Variants in VSTM4 observed in about 807,000 individuals in gnomAD.
The protein encoded by VSTM4 is V-set and transmembrane domain containing 4.
VSTM4 carries 20 observed loss-of-function variants against 36.4 expected under a neutral mutation model. The ratio of observed to expected loss-of-function variants is 0.55; its 90% CI spans 0.39 to 0.80. The LOEUF (loss-of-function observed/expected upper bound fraction) is 0.80, where lower values mean the gene tolerates loss of function less well. VSTM4 is among the 30% of genes least tolerant of loss of function. The pLI is 0.00. For synonymous variants in VSTM4, 182 were observed against 173.9 expected (o/e 1.05, Z -0.37); for missense variants, 392 against 404.5 (o/e 0.97, Z 0.26).
At chr10:49,046,805 C>A (rs987225015) in intron 7 of VSTM4, among the ~76,000 whole-genome samples, 178 bp downstream of exon 7, 9 of 152,110 alleles carry the variant, frequency 5.9e-5, no homozygotes, top group African/African-American at 2.2e-4. Context: ...ACTCTGGGAA[C>A]TAAGTATGGA....
chr10:49,106,669 C>T (rs763541586), intron 2 of VSTM4, among the ~76,000 whole-genome samples: 16 of 152,344 alleles, frequency 1.1e-4, no homozygotes, highest in East Asian at 5.8e-4. Context: ...AACCTCCCAA[C>T]GCGTGCCTCC....
intron 2 of VSTM4, among the ~76,000 whole-genome samples, chr10:49,095,386 C>G (rs966408092): frequency 2.0e-5 from 3 of 152,132 alleles, no homozygotes; most frequent in Non-Finnish European, 1.5e-5. Context: ...GTACATGCAC[C>G]ACATAACATG....
intron 2 of VSTM4, among the ~76,000 whole-genome samples, chr10:49,086,835 C>T (rs1438689788): frequency 6.6e-6 from 1 of 152,178 alleles, no homozygotes; most frequent in East Asian, 1.9e-4. Context: ...CCAGTCTTAC[C>T]AAATAACTGA....
At chr10:49,059,739 G>A (rs1368626800) in intron 5 of VSTM4, among the ~76,000 whole-genome samples, 1 of 152,132 alleles carries the variant, frequency 6.6e-6, no homozygotes, top group Non-Finnish European at 1.5e-5. Flanking sequence ...AAGCATAGTT[G>A]ACGTACCATA....
intron 3 of VSTM4, among the ~76,000 whole-genome samples, chr10:49,082,803 T>C (rs1265164879): frequency 6.6e-6 from 1 of 152,272 alleles, no homozygotes; most frequent in African/African-American, 2.4e-5. Flanking sequence ...TCCAAAGGCA[T>C]CACTGCCATT....
rs189200911 is a variant in VSTM4, at chr10:49,035,722, C to A, written c.837+11261G>T. Among the ~76,000 whole-genome samples, 16 of 149,066 alleles carry A rather than the reference C, an allele frequency of 1.1e-4. No individual in the cohort carries two copies. In the East Asian group the frequency reaches 2.8e-3, roughly 26 times the overall value. The stretch of plus-strand genomic sequence containing the variant: ...ATGTGGTGGCACATGCCTGTGGTAC[C>A]AGCTACTTGGGAGGCTGAGGCAGGA... On this transcript the variant is annotated intron_variant, in intron 7 of 7. Coordinates refer to ENST00000332853, the MANE Select transcript of VSTM4 (RefSeq NM_001031746.5).
chr10:49,024,429 CTAACTCTCAGA>C, intron 7 of VSTM4, among the ~76,000 whole-genome samples: 1 of 152,148 alleles, frequency 6.6e-6, no homozygotes, highest in Non-Finnish European at 1.5e-5. Flanking sequence ...GGAAATTCTT[CTAACTCTCAGA>C]TCAATGAAAG....
intron 5 of VSTM4, among the ~76,000 whole-genome samples, chr10:49,053,584 G>T (rs752540603): frequency 1.7e-4 from 26 of 152,130 alleles, no homozygotes; most frequent in Non-Finnish European, 3.1e-4. Flanking sequence ...AATTAGATGG[G>T]GTGTGAAACA....
intron 2 of VSTM4, among the ~76,000 whole-genome samples, chr10:49,092,125 G>T (rs1376710749): frequency 3.9e-5 from 6 of 152,198 alleles, no homozygotes; most frequent in Admixed American, 3.9e-4. Flanking sequence ...CTTAGCAGGT[G>T]CTGCCTTCCT....
intron 2 of VSTM4, among the ~76,000 whole-genome samples, chr10:49,096,792 T>C (rs970566023): frequency 6.6e-6 from 1 of 151,996 alleles, no homozygotes; most frequent in African/African-American, 2.4e-5. Context: ...GTAGCTGGGA[T>C]TACAGTCTCC....
intron 5 of VSTM4, among the ~76,000 whole-genome samples, chr10:49,053,638 G>A (rs531030744): frequency 6.6e-6 from 1 of 152,348 alleles, no homozygotes; most frequent in East Asian, 1.9e-4. Context: ...CAGGTGCAGT[G>A]TAGACGTTTC....
intron 7 of VSTM4, among the ~76,000 whole-genome samples, chr10:49,031,692 C>T (rs1325694304): frequency 3.3e-5 from 5 of 152,162 alleles, no homozygotes; most frequent in Non-Finnish European, 7.3e-5. Context: ...CACTCACTGC[C>T]CTGCACACAG....
intron 6 of VSTM4, 49 bp from the exon 7 acceptor site, chr10:49,047,093 T>C: frequency 1.3e-6 from 2 of 1,546,500 alleles, no homozygotes; most frequent in Non-Finnish European, 1.8e-6. Context: ...CCAGAACACT[T>C]AGTGGCCACA....
At chr10:49,113,390 A>G (rs1052054895) in intron 1 of VSTM4, among the ~76,000 whole-genome samples, 4 of 152,152 alleles carry the variant, frequency 2.6e-5, no homozygotes, top group Non-Finnish European at 5.9e-5. Flanking sequence ...TAAAAATATC[A>G]CCTTGCCCAA....
chr10:49,073,042 A>G (rs949405015), intron 4 of VSTM4, among the ~76,000 whole-genome samples: 3 of 152,244 alleles, frequency 2.0e-5, no homozygotes, highest in African/African-American at 7.2e-5. Flanking sequence ...CAAAGCCAGG[A>G]AGGAAGTCTT....
intron 2 of VSTM4, among the ~76,000 whole-genome samples, chr10:49,106,166 C>T (rs1482526189): frequency 6.6e-6 from 1 of 152,124 alleles, no homozygotes; most frequent in East Asian, 1.9e-4. Flanking sequence ...CTCTATGTCC[C>T]TTATTCATAT....
At position 49,071,761 on chromosome 10, in the gene VSTM4, G is replaced by T. The variant is rs144837076; in HGVS notation, c.634+5458C>A. ...TGCTGGAGAGCAGGTGCCGGGCTCA[G>T]CTCTCCTGTCCACATGTGTGTAAGC... On this transcript the variant is annotated intron_variant, in intron 4 of 7. Transcript: ENST00000332853. Among the ~76,000 whole-genome samples the T allele has an allele frequency of 4.5e-3, 692 of 152,356 alleles. 3 individuals carry two copies. Among genetic ancestry groups the T allele is most frequent in the Non-Finnish European group, 6.9e-3 (469 of 68,040 alleles).
chr10:49,092,862 G>A (rs1414134914), intron 2 of VSTM4, among the ~76,000 whole-genome samples: 2 of 152,140 alleles, frequency 1.3e-5, no homozygotes, highest in Non-Finnish European at 2.9e-5. Flanking sequence ...GCCAGCAGAA[G>A]AGCACACAGA....
intron 7 of VSTM4, among the ~76,000 whole-genome samples, chr10:49,040,206 T>C (rs1843498901): frequency 6.6e-6 from 1 of 152,234 alleles, no homozygotes; most frequent in Non-Finnish European, 1.5e-5. Flanking sequence ...CAGGTTGTTG[T>C]GTTTGGTTGT....
Sources: gnomAD v4.1 joint callset for allele counts (sites outside exome capture counted in the v4.1 genomes callset) on GRCh38, gnomAD v4.1.1 for gene constraint, MANE v1.5 for transcripts, NCBI Gene and HGNC (gene_info 2026-07-23, HGNC 2026-07-21) for gene names.